CRTAP: variants seen among roughly 807,000 people sequenced by gnomAD.
CRTAP encodes the protein cartilage-associated protein.
A neutral mutation model predicts 42.7 loss-of-function variants in CRTAP; 33 were observed. The observed-to-expected ratio is 0.77, with a 90% CI of 0.59 to 1.03. The LOEUF (loss-of-function observed/expected upper bound fraction) is 1.03. Among genes scored for constraint, CRTAP ranks in the 50% least tolerant of loss-of-function variants. The pLI is 0.00. For synonymous variants in CRTAP, 243 were observed against 217.7 expected, an observed-to-expected ratio of 1.12 and a Z score of -1.02; for missense variants, 613 against 533.9, an observed-to-expected ratio of 1.15 and a Z score of -1.46.
chr3:33,116,344 ATCTATCTATCTG>A (rs1442048581), intron 1 of CRTAP, among the ~76,000 whole-genome samples: 2 of 152,132 alleles, frequency 1.3e-5, no homozygotes, highest in Non-Finnish European at 2.9e-5. Flanking sequence ...GTAAAATACT[ATCTATCTATCTG>A]TCTATCTATC....
At position 33,130,033 on chromosome 3, in the gene CRTAP, C is replaced by T. The variant is rs13637; in HGVS notation, c.888C>T (p.Thr296=). 1,378 of 1,613,768 alleles carry T rather than the reference C, an allele frequency of 8.5e-4. 14 individuals are homozygous for T. The African/African-American group carries it at 0.016, about 19-fold the overall frequency. ...GGYPVEKFVA[T]MYHYLQFAYY... Reference sequence around the variant, plus strand: ...ATCCGGTTGAGAAATTTGTGGCTACCATGTATCATTACTTGCAGTTTGCCT... The same window carrying T: ...ATCCGGTTGAGAAATTTGTGGCTACTATGTATCATTACTTGCAGTTTGCCT... Residue 296 remains threonine, a synonymous_variant, in exon 4 of 7, where the codon ACC becomes ACT. Transcript: ENST00000320954.
intron 1 of CRTAP, among the ~76,000 whole-genome samples, chr3:33,116,379 GAC>G (rs1701343857): frequency 6.6e-6 from 1 of 151,896 alleles, no homozygotes; most frequent in East Asian, 1.9e-4. Flanking sequence ...TTTTTTTTGA[GAC>G]ACAGTTTCAC....
intron 3 of CRTAP, 61 bp from the exon 4 acceptor site, chr3:33,129,878 C>A: frequency 1.3e-6 from 2 of 1,516,102 alleles, no homozygotes; most frequent in Non-Finnish European, 1.8e-6. Context: ...GGGCAGGAGG[C>A]AGTAGCATAT....
chr3:33,117,972 C>CT (rs374092927), intron 1 of CRTAP, among the ~76,000 whole-genome samples: 1 of 151,710 alleles, frequency 6.6e-6, no homozygotes, highest in African/African-American at 2.4e-5. Flanking sequence ...TTCTTTCTTT[C>CT]TTTTTTGAGA....
rs1559436223 is a variant in CRTAP, at chr3:33,133,754, G to A, written c.1069-428G>A. Reference sequence around the variant, plus strand: ...ATTATTATCCTTTAACAGCTCCCTGGTAGTCTCTTTTGCGGATGGACCATC... The same window carrying A: ...ATTATTATCCTTTAACAGCTCCCTGATAGTCTCTTTTGCGGATGGACCATC... On this transcript the variant is annotated intron_variant, in intron 5 of 6. Transcript: ENST00000320954. Among the ~76,000 whole-genome samples, 3 of 152,070 alleles carry A rather than the reference G, an allele frequency of 2.0e-5. No individual in the cohort carries two copies. The South Asian group carries it at 6.2e-4, about 32-fold the overall frequency.
intron 3 of CRTAP, among the ~76,000 whole-genome samples, chr3:33,129,013 TG>T: frequency 6.6e-6 from 1 of 152,354 alleles, no homozygotes; most frequent in East Asian, 1.9e-4. Context: ...TTTCAAAGGC[TG>T]TGTAGATTCT....
At chr3:33,141,268 A>G (rs1010212004) in intron 6 of CRTAP, among the ~76,000 whole-genome samples, 2 of 152,236 alleles carry the variant, frequency 1.3e-5, no homozygotes, top group African/African-American at 4.8e-5. Context: ...ACAGCAGGAT[A>G]TAGTAACTCC....
intron 2 of CRTAP, 103 bp from the exon 3 acceptor site, chr3:33,124,305 A>G: frequency 7.4e-7 from 1 of 1,346,058 alleles, no homozygotes; most frequent in Non-Finnish European, 1.1e-6. Context: ...CTTCAGAGCT[A>G]ATGAGAGCTA....
chr3:33,125,504 T>TG (rs1420817852), intron 3 of CRTAP, among the ~76,000 whole-genome samples: 26 of 146,574 alleles, frequency 1.8e-4, no homozygotes, highest in Admixed American at 5.4e-4. Context: ...TTTTTTTTTT[T>TG]TTTTTTTTTT....
intron 6 of CRTAP, among the ~76,000 whole-genome samples, chr3:33,138,093 A>G (rs1168306672): frequency 6.6e-6 from 1 of 151,586 alleles, no homozygotes; most frequent in Non-Finnish European, 1.5e-5. Flanking sequence ...GTCTTCATTA[A>G]TATAGCTTTT....
intron 1 of CRTAP, among the ~76,000 whole-genome samples, chr3:33,117,282 T>C (rs1701353757): frequency 6.6e-6 from 1 of 152,186 alleles, no homozygotes; most frequent in Non-Finnish European, 1.5e-5. Flanking sequence ...GTTGCAGTTC[T>C]CTGTTTCAGT....
In CRTAP at chr3:33,146,572, G is replaced by C. The variant is rs183098032; in HGVS notation, c.*4124G>C. The stretch of plus-strand genomic sequence containing the variant: ...ACATACTAATACCTTCCTGATTTTC[G>C]AGACTTTCTAATTACTACAACTAAC... On this transcript the variant is annotated 3_prime_UTR_variant, in exon 7 of 7. Transcript: ENST00000320954. 6.6e-6 allele frequency: 1 copy of C among 152,152 alleles called. No individual in the cohort carries two copies. Among genetic ancestry groups the C allele is most frequent in the Non-Finnish European group, 1.5e-5 (1 of 68,030 alleles). The allele number at this position is 152,152 out of a possible 1,614,324, so 9.4% of individuals were successfully genotyped here. A position where few individuals can be genotyped will look rare whatever the true frequency, so the allele number is the denominator to read the frequency against.
chr3:33,121,463 T>C (rs1033284229), intron 2 of CRTAP, among the ~76,000 whole-genome samples: 8 of 151,714 alleles, frequency 5.3e-5, no homozygotes, highest in African/African-American at 2.0e-4. Context: ...CTAGAAGTTA[T>C]AGTTCCCAAG....
At chr3:33,129,662 T>C (rs1056567074) in intron 3 of CRTAP, among the ~76,000 whole-genome samples, 1 of 150,032 alleles carries the variant, frequency 6.7e-6, no homozygotes. Flanking sequence ...CTCAGCCTCC[T>C]GAGTAGCTGG....
chr3:33,136,262 C>A (rs1011952853), intron 6 of CRTAP, among the ~76,000 whole-genome samples: 1 of 152,182 alleles, frequency 6.6e-6, no homozygotes, highest in Non-Finnish European at 1.5e-5. Context: ...TAATATTCTT[C>A]TTTTGGATGT....
intron 1 of CRTAP, among the ~76,000 whole-genome samples, chr3:33,117,265 G>A (rs965805419): frequency 6.6e-6 from 1 of 152,232 alleles, no homozygotes; most frequent in Admixed American, 6.5e-5. Flanking sequence ...TTACTCTGCT[G>A]TTCTGAGTTG....
chr3:33,124,321 G>A (rs1229438028), intron 2 of CRTAP, 87 bp from the exon 3 acceptor site: 2 of 1,508,836 alleles, frequency 1.3e-6, no homozygotes, highest in African/African-American at 2.7e-5. Flanking sequence ...AGCTAGCTTG[G>A]TGGTGGTCTT....
intron 2 of CRTAP, among the ~76,000 whole-genome samples, chr3:33,120,850 G>A (rs1169579640): frequency 6.6e-6 from 1 of 151,984 alleles, no homozygotes; most frequent in African/African-American, 2.4e-5. Flanking sequence ...GAAATGAGAA[G>A]GCATATATTT....
chr3:33,126,352 A>G (rs2030072063), intron 3 of CRTAP, among the ~76,000 whole-genome samples: 1 of 151,966 alleles, frequency 6.6e-6, no homozygotes, highest in Non-Finnish European at 1.5e-5. Context: ...CCCCTTTGCT[A>G]TTGAAGAATC....
Sources: allele counts gnomAD v4.1 joint callset (sites outside exome capture counted in the v4.1 genomes callset), GRCh38; gene constraint gnomAD v4.1.1; transcripts MANE v1.5; gene names NCBI Gene and HGNC (gene_info 2026-07-23, HGNC 2026-07-21).